The following RUNX2 variants were observed in gnomAD, a reference collection of about 807,000 sequenced individuals.
RUNX2 encodes runt-related transcription factor 2.
In RUNX2, 10 loss-of-function variants were observed where a neutral mutation model predicts 51.7. The observed-to-expected ratio is 0.19, with a 90% CI of 0.12 to 0.33. The LOEUF is 0.33. Among genes scored for constraint, RUNX2 ranks in the 10% least tolerant of loss-of-function variants. RUNX2 has a pLI of 1.00. For synonymous variants in RUNX2, 276 were observed against 273.6 expected, an observed-to-expected ratio of 1.01 and a Z score of -0.09; for missense variants, 562 against 691.3, an observed-to-expected ratio of 0.81 and a Z score of 2.10.
chr6:45,507,147 G>A (rs1375993879), intron 6 of RUNX2, among the ~76,000 whole-genome samples: 2 of 152,058 alleles, frequency 1.3e-5, no homozygotes, highest in South Asian at 2.1e-4. Flanking sequence ...GGAGTGTTAG[G>A]ACATGGTTCT....
Position 45,360,676 on chromosome 6 carries a change from T to C in RUNX2, c.58+31892T>C, listed in dbSNP as rs116230046. 9.4e-3 allele frequency among the ~76,000 whole-genome samples: 1,426 copies of C among 152,312 alleles called. 22 individuals are homozygous for C. The highest frequency in any genetic ancestry group is 0.032 in the African/African-American group (1,349 of 41,574). On this transcript the variant is annotated intron_variant, in intron 2 of 8. Transcript: ENST00000647337. ...CACTGCAGCAATGAATAAATGGTCATTGCTATTTATCCCAAACACTCTCAG... is the reference window on the plus strand; with the variant it reads ...CACTGCAGCAATGAATAAATGGTCACTGCTATTTATCCCAAACACTCTCAG...
rs75219203 is a variant in RUNX2, at chr6:45,480,878, G to A, written c.686-11063G>A. 4.1e-3 allele frequency among the ~76,000 whole-genome samples: 626 copies of A among 152,150 alleles called. 4 individuals are homozygous for A. Among genetic ancestry groups the A allele is most frequent in the Admixed American group, 0.015 (228 of 15,276 alleles). On this transcript the variant is annotated intron_variant, in intron 5 of 8. Coordinates refer to ENST00000647337, the MANE Select transcript of RUNX2 (RefSeq NM_001024630.4). ...GTCTTTTTCTTTTTTCTTCCTCTGT[G>A]ATCTTCTCTGCCATTCAGCACAGCA...
At chr6:45,502,052 G>T (rs1800812922) in intron 6 of RUNX2, among the ~76,000 whole-genome samples, 1 of 152,172 alleles carries the variant, frequency 6.6e-6, no homozygotes, top group Non-Finnish European at 1.5e-5. Context: ...ACTAAGATTA[G>T]TAGTGATTGG....
intron 7 of RUNX2, among the ~76,000 whole-genome samples, chr6:45,537,673 GT>G (rs1802080840): frequency 6.6e-6 from 1 of 152,112 alleles, no homozygotes. Context: ...GATTCATATG[GT>G]TAGGGAAAAG....
At chr6:45,533,124 C>G (rs1469870675) in intron 7 of RUNX2, among the ~76,000 whole-genome samples, 1 of 138,348 alleles carries the variant, frequency 7.2e-6, no homozygotes, top group East Asian at 1.9e-4. Flanking sequence ...AAGATGAAAC[C>G]CCTCTGAAGG....
chr6:45,531,774 A>T (rs1319069), intron 7 of RUNX2, among the ~76,000 whole-genome samples: 1 of 152,136 alleles, frequency 6.6e-6, no homozygotes, highest in South Asian at 2.1e-4. Context: ...AACTCAAAAT[A>T]TATGGTTTTA....
intron 7 of RUNX2, among the ~76,000 whole-genome samples, chr6:45,520,843 C>G (rs899600947): frequency 6.6e-6 from 1 of 152,136 alleles, no homozygotes; most frequent in Non-Finnish European, 1.5e-5. Flanking sequence ...GCCTTACCCT[C>G]CCGAGTAGCT....
chr6:45,331,236 G>A (rs926044097), intron 2 of RUNX2, among the ~76,000 whole-genome samples: 3 of 151,886 alleles, frequency 2.0e-5, no homozygotes, highest in Admixed American at 2.0e-4. Flanking sequence ...CTCAAAATCT[G>A]TCCATCATTT....
At chr6:45,463,074 A>G (rs1426503934) in intron 5 of RUNX2, among the ~76,000 whole-genome samples, 1 of 152,220 alleles carries the variant, frequency 6.6e-6, no homozygotes, top group Non-Finnish European at 1.5e-5. Context: ...AAAGGAGCAC[A>G]TCGCAGGCAG....
At chr6:45,332,338 C>T (rs1371732695) in intron 2 of RUNX2, among the ~76,000 whole-genome samples, 3 of 145,274 alleles carry the variant, frequency 2.1e-5, no homozygotes, top group Non-Finnish European at 4.7e-5. Flanking sequence ...TACCTAAATA[C>T]CTCAACTGTA....
At chr6:45,488,864 A>C (rs1800366492) in intron 5 of RUNX2, among the ~76,000 whole-genome samples, 1 of 152,202 alleles carries the variant, frequency 6.6e-6, no homozygotes, top group Non-Finnish European at 1.5e-5. Flanking sequence ...TCACTGCACT[A>C]TGACAGAGTA....
chr6:45,426,134 A>C (rs1798375733), intron 3 of RUNX2, among the ~76,000 whole-genome samples: 1 of 152,204 alleles, frequency 6.6e-6, no homozygotes, highest in African/African-American at 2.4e-5. Context: ...ATGATATAAA[A>C]TTTATTTATT....
chr6:45,370,379 G>C lies in RUNX2; in HGVS notation c.58+41595G>C, dbSNP rs370412173. Among the ~76,000 whole-genome samples the C allele has an allele frequency of 3.2e-4, 48 of 151,866 alleles. No homozygotes were observed. The East Asian group carries it at 8.5e-3, about 27-fold the overall frequency. Reference sequence around the variant, plus strand: ...TGGTGCCATTTACTGAGATCCAGAAGACTGGGAAGGAAAAAAAAAACAGTT... The same window carrying C: ...TGGTGCCATTTACTGAGATCCAGAACACTGGGAAGGAAAAAAAAAACAGTT... On this transcript the variant is annotated intron_variant, in intron 2 of 8. Coordinates refer to ENST00000647337, the MANE Select transcript of RUNX2 (RefSeq NM_001024630.4).
chr6:45,348,858 CTT>C (rs1377913333), intron 2 of RUNX2, among the ~76,000 whole-genome samples: 1 of 152,104 alleles, frequency 6.6e-6, no homozygotes, highest in African/African-American at 2.4e-5. Context: ...AATGAACTCT[CTT>C]TGAGAGGCTT....
At chr6:45,536,184 G>T (rs1802027669) in intron 7 of RUNX2, among the ~76,000 whole-genome samples, 1 of 151,916 alleles carries the variant, frequency 6.6e-6, no homozygotes, top group African/African-American at 2.4e-5. Flanking sequence ...TCACAACCCG[G>T]AAGCCCCTTA....
intron 2 of RUNX2, among the ~76,000 whole-genome samples, chr6:45,333,753 T>C (rs1462309640): frequency 2.6e-5 from 4 of 151,374 alleles, no homozygotes. Context: ...AAGTACTTAA[T>C]ACATGAAGAG....
At chr6:45,382,748 A>T (rs1473237281) in intron 2 of RUNX2, among the ~76,000 whole-genome samples, 1 of 152,260 alleles carries the variant, frequency 6.6e-6, no homozygotes, top group Non-Finnish European at 1.5e-5. Flanking sequence ...CGTAAGATTT[A>T]GGCTTTAAAT....
intron 2 of RUNX2, among the ~76,000 whole-genome samples, chr6:45,343,675 T>A (rs189969994): frequency 1.8e-4 from 28 of 152,330 alleles, no homozygotes; most frequent in Non-Finnish European, 3.1e-4. Flanking sequence ...CTTCATGTTG[T>A]CAATGATGTC....
At chr6:45,519,988 A>T (rs1349758805) in intron 7 of RUNX2, among the ~76,000 whole-genome samples, 1 of 151,868 alleles carries the variant, frequency 6.6e-6, no homozygotes, top group Non-Finnish European at 1.5e-5. Context: ...CCACCACCAC[A>T]TCTGGCTATT....
Sources: gnomAD v4.1 joint callset for allele counts (sites outside exome capture counted in the v4.1 genomes callset) on GRCh38, gnomAD v4.1.1 for gene constraint, MANE v1.5 for transcripts, NCBI Gene and HGNC (gene_info 2026-07-23, HGNC 2026-07-21) for gene names.